IRX1: variants seen among roughly 807,000 people sequenced by gnomAD.
The protein encoded by IRX1 is iroquois-class homeodomain protein IRX-1.
A neutral mutation model predicts 34.1 loss-of-function variants in IRX1; 22 were observed. That is an observed-to-expected ratio of 0.64 (90% CI 0.46 to 0.92). The LOEUF is 0.92. Among genes scored for constraint, IRX1 ranks in the 40% least tolerant of loss-of-function variants. IRX1 has a pLI of 0.00. For missense variants in IRX1, 758 were observed against 680.0 expected, an observed-to-expected ratio of 1.11 and a Z score of -1.28; for synonymous variants, 363 against 319.0, an observed-to-expected ratio of 1.14 and a Z score of -1.47.
chr5:3,598,280 G>A lies in IRX1; in HGVS notation c.277-945G>A, dbSNP rs899340287. Reference sequence around the variant, plus strand: ...TGTTATTTACCAAAAAACCTGATGGGATAATTTGACTTGCTGTGTTTTACT... The same window carrying A: ...TGTTATTTACCAAAAAACCTGATGGAATAATTTGACTTGCTGTGTTTTACT... On this transcript the variant is annotated intron_variant, in intron 1 of 3. Transcript: ENST00000302006. 2.6e-5 allele frequency among the ~76,000 whole-genome samples: 4 copies of A among 152,190 alleles called. 1 individual carries two copies. The highest frequency in any genetic ancestry group is 2.0e-4 in the Admixed American group (3 of 15,284).
chr5:3,600,946 G>C, intron 3 of IRX1, 37 bp from the exon 4 acceptor site: 2 of 1,606,760 alleles, frequency 1.2e-6, no homozygotes, highest in Admixed American at 3.3e-5. Context: ...CACTCACAGT[G>C]CCCCTGTCTT....
intron 1 of IRX1, 81 bp downstream of exon 1, chr5:3,596,462 G>A: frequency 7.7e-7 from 1 of 1,304,810 alleles, no homozygotes; most frequent in Non-Finnish European, 9.9e-7. Flanking sequence ...GGGAGGGAGA[G>A]ACTACGGGTG....
Position 3,600,727 on chromosome 5 carries a change from G to GGGA in IRX1, c.1385+54_1385+56dup, listed in dbSNP as rs748241797. 1.0e-4 allele frequency: 159 copies of GGGA among 1,552,538 alleles called. 1 individual carries two copies. Among genetic ancestry groups the GGGA allele is most frequent in the Non-Finnish European group, 1.3e-4 (143 of 1,124,666 alleles). On this transcript the variant is annotated intron_variant, in intron 3 of 3. Coordinates refer to ENST00000302006, the MANE Select transcript of IRX1 (RefSeq NM_024337.4). ...CTATGGGAGAAGGCGGTGGGGAGGGGGGAGGAGGAGTGGTCGGGACCCGGG... is the reference window on the plus strand; with the variant it reads ...CTATGGGAGAAGGCGGTGGGGAGGGGGGAGGAGGAGGAGTGGTCGGGACCCGGG...
Position 3,600,078 on chromosome 5 carries a change from G to T in IRX1, c.1130G>T (p.Ser377Ile), listed in dbSNP as rs746283869. The change falls in exon 2 of 4, where the codon AGC becomes ATC. Residue 377 changes from serine (S) to isoleucine (I), a missense_variant. Around this residue, in one of 3 missense-constraint regions of IRX1, gnomAD observed 529 missense variants for 418.8 expected, o/e 1.26. Transcript: ENST00000302006. ...HIGKFSNWTN[S>I]AFLAQGSLLN... ...GGCAAGTTCTCCAACTGGACCAACA[G>T]CGCATTCCTCGCACAGGGCTCCCTG... is the stretch of plus-strand genomic sequence containing the variant. 1.9e-6 allele frequency: 3 copies of T among 1,612,374 alleles called. No individual in the cohort carries two copies. In the African/African-American group the frequency reaches 4.0e-5, roughly 22 times the overall value.
Position 3,600,028 on chromosome 5 carries a change from C to A in IRX1, c.1080C>A (p.Ser360Arg), listed in dbSNP as rs774706744. ...TGCAACACCCCGCCTTCCTGCCTAG[C>A]CACGGACTGTACACCTGCCACATCG... Reference protein sequence around the residue: ...APLQHPAFLPSHGLYTCHIGK... With the variant: ...APLQHPAFLPRHGLYTCHIGK... The change falls in exon 2 of 4, where the codon AGC becomes AGA. Residue 360 changes from serine (S) to arginine (R), a missense_variant. Physicochemically the swap from Ser to Arg is moderately radical, Grantham distance 110. Around this residue, in one of 3 missense-constraint regions of IRX1, gnomAD observed 529 missense variants for 418.8 expected, o/e 1.26. Coordinates refer to ENST00000302006, the MANE Select transcript of IRX1 (RefSeq NM_024337.4). 10 of 1,577,432 alleles carry A rather than the reference C, an allele frequency of 6.3e-6. No homozygotes were observed. The East Asian group carries it at 1.8e-4, about 29-fold the overall frequency.
chr5:3,597,696 G>A (rs113900597), intron 1 of IRX1, among the ~76,000 whole-genome samples: 6 of 152,278 alleles, frequency 3.9e-5, no homozygotes, highest in Non-Finnish European at 5.9e-5. Context: ...TTAGAAAAGC[G>A]CAAAGTACAT....
At position 3,599,767 on chromosome 5, in the gene IRX1, C is replaced by T. The variant is rs1237489061; in HGVS notation, c.819C>T (p.Asp273=). ...AAGGCTCGCCGCTGGCAGCAGCCGA[C>T]GTTCTCAAGCCCCAGGACTCGCCCT... The part of the protein sequence containing the change: ...RDQGSPLAAA[D]VLKPQDSPLG... Residue 273 remains aspartate (D), a synonymous_variant, in exon 2 of 4, where the codon GAC becomes GAT. Transcript: ENST00000302006. This position sits in a 1 kb window ranked among gnomAD's most constrained non-coding sequence, Gnocchi z 6.6. The T allele has an allele frequency of 4.4e-6, 7 of 1,608,990 alleles. No homozygotes were observed. In the Admixed American group the frequency reaches 6.7e-5, roughly 15 times the overall value.
At chr5:3,600,883 C>T (rs1733948483) in intron 3 of IRX1, 100 bp from the exon 4 acceptor site, 1 of 1,343,866 alleles carries the variant, frequency 7.4e-7, no homozygotes, top group South Asian at 1.2e-5. Flanking sequence ...GGCTGTCGAC[C>T]CCGCCCCCAG....
chr5:3,596,475 C>A, intron 1 of IRX1, 94 bp downstream of exon 1: 1 of 1,235,932 alleles, frequency 8.1e-7, no homozygotes, highest in Non-Finnish European at 1.0e-6. Flanking sequence ...TACGGGTGGA[C>A]CTGGTCCGGA....
At chr5:3,600,588 G>A (rs753171473) in intron 2 of IRX1, 21 bp from the exon 3 acceptor site, 2 of 1,607,030 alleles carry the variant, frequency 1.2e-6, no homozygotes, top group East Asian at 4.5e-5. Context: ...TCCTAACTCT[G>A]CCTCTTCCGA....
At chr5:3,598,112 A>C (rs13181457) in intron 1 of IRX1, among the ~76,000 whole-genome samples, 25,143 of 152,152 alleles carry the variant, frequency 0.17, 2,478 homozygotes, top group Admixed American at 0.24. Flanking sequence ...AGTAAACTCA[A>C]ACCCAAACCC....
Position 3,600,591 on chromosome 5 carries a change from T to C in IRX1, c.1313-18T>C. On this transcript the variant is annotated intron_variant, in intron 2 of 3. Coordinates refer to ENST00000302006, the MANE Select transcript of IRX1 (RefSeq NM_024337.4). ...CCCGTCTCTCCGTCCTAACTCTGCCTCTTCCGATCTCTCGCAGAGAGAGAC... is the reference window on the plus strand; with the variant it reads ...CCCGTCTCTCCGTCCTAACTCTGCCCCTTCCGATCTCTCGCAGAGAGAGAC... The C allele has an allele frequency of 6.2e-7, 1 of 1,609,926 alleles. No individual in the cohort carries two copies. The highest frequency in any genetic ancestry group is 8.5e-7 in the Non-Finnish European group (1 of 1,176,608).
rs1188986437 is a variant in IRX1, at chr5:3,599,285, A to G, written c.337A>G (p.Thr113Ala). 1 of 1,613,900 alleles carries G rather than the reference A, an allele frequency of 6.2e-7. No individual in the cohort carries two copies. The highest frequency in any genetic ancestry group is 8.5e-7 in the Non-Finnish European group (1 of 1,180,006). Residue 113 changes from threonine (T) to alanine (A), a missense_variant, in exon 2 of 4, where the codon ACG becomes GCG. Around this residue, in one of 3 missense-constraint regions of IRX1, gnomAD observed 195 missense variants for 195.0 expected, o/e 1.00. Coordinates refer to ENST00000302006, the MANE Select transcript of IRX1 (RefSeq NM_024337.4). This position sits in a 1 kb window ranked among gnomAD's most constrained non-coding sequence, Gnocchi z 6.6. The stretch of plus-strand genomic sequence containing the variant: ...GCACCCCGCCACCTTCGCAGCCCAC[A>G]CGGCGCCGGCTTATTACCCCTACGG... ...GVHPATFAAH[T>A]APAYYPYGQF...
chr5:3,599,341 C>G lies in IRX1; in HGVS notation c.393C>G (p.Pro131=). The part of the protein sequence containing the change: ...GQFQYGDPGR[P]KNATRESTST... The stretch of plus-strand genomic sequence containing the variant: ...TCCAATACGGGGACCCCGGGCGGCC[C>G]AAGAACGCCACCCGCGAGAGCACCA... The change falls in exon 2 of 4, where the codon CCC becomes CCG. Residue 131 remains proline, a synonymous_variant. Transcript: ENST00000302006. The surrounding 1 kb of genome is among the most constrained non-coding windows in gnomAD (Gnocchi z 6.6). The G allele has an allele frequency of 6.2e-7, 1 of 1,614,112 alleles. No individual in the cohort carries two copies. The highest frequency in any genetic ancestry group is 8.5e-7 in the Non-Finnish European group (1 of 1,180,026).
In IRX1 at chr5:3,599,919, C is replaced by A; in HGVS notation, c.971C>A (p.Thr324Lys). The change falls in exon 2 of 4, where the codon ACG becomes AAG. Residue 324 changes from threonine to lysine, a missense_variant. Physicochemically the swap from Thr to Lys is moderately conservative, Grantham distance 78 (BLOSUM62 -1). Coordinates refer to ENST00000302006, the MANE Select transcript of IRX1 (RefSeq NM_024337.4). The surrounding 1 kb of genome is among the most constrained non-coding windows in gnomAD (Gnocchi z 6.6). ...ATCTGGTCGCTGGCGGAGACAGCCACGAGCCCCGACGGTGCGCCCAAGGCT... is the reference window on the plus strand; with the variant it reads ...ATCTGGTCGCTGGCGGAGACAGCCAAGAGCCCCGACGGTGCGCCCAAGGCT... ...PKIWSLAETATSPDGAPKASP... is the reference protein window; with the variant it reads ...PKIWSLAETAKSPDGAPKASP... 3 of 1,472,552 alleles carry A rather than the reference C, an allele frequency of 2.0e-6. No individual in the cohort carries two copies. Among genetic ancestry groups the A allele is most frequent in the Non-Finnish European group, 2.7e-6 (3 of 1,111,148 alleles). The allele number at this position is 1,472,552 out of a possible 1,614,324, so 91.2% of individuals were successfully genotyped here. A position where few individuals can be genotyped will look rare whatever the true frequency, so the allele number is the denominator to read the frequency against.
At position 3,601,294 on chromosome 5, in the gene IRX1, T is replaced by C. The variant is rs182715820; in HGVS notation, c.*254T>C. 294 of 558,998 alleles carry C rather than the reference T, an allele frequency of 5.3e-4. 2 individuals carry two copies. In the East Asian group the frequency reaches 7.5e-3, roughly 14 times the overall value. The allele number at this position is 558,998 out of a possible 1,614,324, so 34.6% of individuals were successfully genotyped here. On this transcript the variant is annotated 3_prime_UTR_variant, in exon 4 of 4. Coordinates refer to ENST00000302006, the MANE Select transcript of IRX1 (RefSeq NM_024337.4). ...TTCGGTAAATGCCCCCACGTGCTTGTGTCTCTTTCCCCCCTTTTCTGTATA... is the reference window on the plus strand; with the variant it reads ...TTCGGTAAATGCCCCCACGTGCTTGCGTCTCTTTCCCCCCTTTTCTGTATA...
At chr5:3,597,374 G>T (rs369238640) in intron 1 of IRX1, among the ~76,000 whole-genome samples, 17 of 152,260 alleles carry the variant, frequency 1.1e-4, no homozygotes, top group Middle Eastern at 3.4e-3. Flanking sequence ...CTCCTGGGTC[G>T]CTGCCCGCGG....
At chr5:3,598,581 C>T (rs1267795459) in intron 1 of IRX1, among the ~76,000 whole-genome samples, 1 of 152,082 alleles carries the variant, frequency 6.6e-6, no homozygotes, top group Non-Finnish European at 1.5e-5. Context: ...TTTAAATTAC[C>T]TGTCACCTCT....
chr5:3,596,234 G>A lies in IRX1; in HGVS notation c.129G>A (p.Pro43=). ...CTGCCGCCGCCTCGTCGGGCCGACCGGGGGCCGCGGAGCTGGGCGGCGGGG... is the reference window on the plus strand; with the variant it reads ...CTGCCGCCGCCTCGTCGGGCCGACCAGGGGCCGCGGAGCTGGGCGGCGGGG... ...AAAAAASSGR[P]GAAELGGGAG... The change falls in exon 1 of 4, where the codon CCG becomes CCA. Residue 43 remains proline (P), a synonymous_variant. Coordinates refer to ENST00000302006, the MANE Select transcript of IRX1 (RefSeq NM_024337.4). The A allele has an allele frequency of 8.7e-7, 1 of 1,146,112 alleles. No homozygotes were observed. The highest frequency in any genetic ancestry group is 1.1e-6 in the Non-Finnish European group (1 of 933,578). The allele number at this position is 1,146,112 out of a possible 1,614,324, so 71.0% of individuals were successfully genotyped here.
Sources: gnomAD v4.1 joint callset for allele counts (sites outside exome capture counted in the v4.1 genomes callset) on GRCh38, gnomAD v4.1.1 for gene constraint, gnomAD v4.1.1 regional missense constraint, Gnocchi (gnomAD v3.1) non-coding constraint, MANE v1.5 for transcripts, NCBI Gene and HGNC (gene_info 2026-07-23, HGNC 2026-07-21) for gene names.